FLRT1: variants seen among roughly 807,000 people sequenced by gnomAD.
FLRT1 encodes fibronectin leucine rich transmembrane protein 1, also known as leucine-rich repeat transmembrane protein FLRT1.
Under a neutral mutation model 30.9 loss-of-function variants are expected in FLRT1, and 14 were observed. That is an observed-to-expected ratio of 0.45 (90% confidence interval 0.30 to 0.71). FLRT1 has a LOEUF of 0.71. Ranked by LOEUF, FLRT1 falls within the 30% of genes least tolerant of loss-of-function variation. The pLI is 0.08. For missense variants in FLRT1, 737 were observed against 949.2 expected, an observed-to-expected ratio of 0.78 and a Z score of 2.94; for synonymous variants, 368 against 430.4, an observed-to-expected ratio of 0.85 and a Z score of 1.80.
chr11:64,117,792 A>G lies in FLRT1; in HGVS notation c.1525A>G (p.Thr509Ala), dbSNP rs748791536. ...PKSTYIICMV[T>A]METSNAYVAD... is the part of the protein sequence containing the mutation. Reference sequence around the variant, plus strand: ...GTCCACCTACATCATCTGCATGGTCACCATGGAGACCAGCAATGCCTACGT... The same window carrying G: ...GTCCACCTACATCATCTGCATGGTCGCCATGGAGACCAGCAATGCCTACGT... The change falls in exon 3 of 3, where the codon ACC (threonine) becomes GCC (alanine). Residue 509 changes from threonine to alanine, a missense_variant. By Grantham distance (58) the Thr-to-Ala change is moderately conservative. Transcript: ENST00000682287. 6.8e-6 allele frequency: 11 copies of G among 1,614,032 alleles called. No individual in the cohort carries two copies. The Middle Eastern group carries it at 6.6e-4, about 96-fold the overall frequency.
intron 2 of FLRT1, among the ~76,000 whole-genome samples, chr11:64,110,460 AAAAG>A (rs1465089487): frequency 3.3e-5 from 5 of 152,086 alleles, no homozygotes; most frequent in South Asian, 2.1e-4. Context: ...AAAAAAAAAA[AAAAG>A]AAAGAAATCA....
In FLRT1 at chr11:64,117,231, C is replaced by T. The variant is rs1424601174; in HGVS notation, c.964C>T (p.Gln322Ter). ...GTTCGACGACCTGGGGAACCTGGCC[C>T]AGCTGCTGCTCAGGAACAACCCTTG... The part of the protein sequence containing the change: ...GLFDDLGNLA[Q>*]LLLRNNPWFC... The change falls in exon 3 of 3, where the codon CAG becomes TAG. Residue 322 changes from glutamine to a stop codon, truncating the protein, a stop_gained. Coordinates refer to ENST00000682287, the MANE Select transcript of FLRT1 (RefSeq NM_013280.5). LOFTEE classifies it high-confidence loss of function. The T allele has an allele frequency of 6.2e-7, 1 of 1,614,076 alleles. No homozygotes were observed. The highest frequency in any genetic ancestry group is 8.5e-7 in the Non-Finnish European group (1 of 1,180,028).
At chr11:64,044,151 C>G (rs1943540786) in intron 1 of FLRT1, among the ~76,000 whole-genome samples, 1 of 152,086 alleles carries the variant, frequency 6.6e-6, no homozygotes, top group African/African-American at 2.4e-5. Flanking sequence ...GCTCGTAACC[C>G]CCTCAGCCTA....
chr11:64,090,096 G>A lies in FLRT1; in HGVS notation c.-1037-13098G>A, dbSNP rs914806069. 2.6e-5 allele frequency among the ~76,000 whole-genome samples: 4 copies of A among 152,190 alleles called. No individual in the cohort carries two copies. The highest frequency in any genetic ancestry group is 9.7e-5 in the African/African-American group (4 of 41,442). ...TCCTGAGCCCAGAACCTTCTAGAATGGGGCTGGGGGAGGGGAAGATATGCA... is the reference window on the plus strand; with the variant it reads ...TCCTGAGCCCAGAACCTTCTAGAATAGGGCTGGGGGAGGGGAAGATATGCA... On this transcript the variant is annotated intron_variant, in intron 1 of 2. Transcript: ENST00000682287. This position sits in a 1 kb window ranked among gnomAD's most constrained non-coding sequence, Gnocchi z 4.7.
chr11:64,088,697 G>A (rs898123320), intron 1 of FLRT1, among the ~76,000 whole-genome samples: 1 of 152,188 alleles, frequency 6.6e-6, no homozygotes, highest in Non-Finnish European at 1.5e-5. Flanking sequence ...GGTCTCGGCT[G>A]CCCTGTCTAT....
rs992169393 is a variant in FLRT1 at position 64,064,524 on chromosome 11, G to A, written c.-1038+28365G>A. ...GCACGCAGGCAGGGTGCATATGTAC[G>A]TATGTGCCTGGCATGGTCCTTGCCT... On this transcript the variant is annotated intron_variant, in intron 1 of 2. Transcript: ENST00000682287. The surrounding 1 kb of genome is among the most constrained non-coding windows in gnomAD (Gnocchi z 4.5). Among the ~76,000 whole-genome samples the A allele has an allele frequency of 7.9e-5, 12 of 152,084 alleles. No individual in the cohort carries two copies. Among genetic ancestry groups the A allele is most frequent in the Admixed American group, 6.5e-4 (10 of 15,284 alleles).
intron 1 of FLRT1, among the ~76,000 whole-genome samples, chr11:64,088,704 C>G (rs1423335883): frequency 1.3e-5 from 2 of 152,152 alleles, no homozygotes. Flanking sequence ...GCTGCCCTGT[C>G]TATGAAATGG....
chr11:64,074,410 G>A (rs899271894), intron 1 of FLRT1, among the ~76,000 whole-genome samples: 3 of 152,216 alleles, frequency 2.0e-5, no homozygotes, highest in Non-Finnish European at 4.4e-5. Flanking sequence ...CTGAGCTCCA[G>A]GGGTGTGGTC....
intron 1 of FLRT1, among the ~76,000 whole-genome samples, chr11:64,094,458 A>G (rs1396602906): frequency 6.6e-6 from 1 of 152,002 alleles, no homozygotes; most frequent in Non-Finnish European, 1.5e-5. Flanking sequence ...CCAAAAAACA[A>G]AGTTAAGCAG....
intron 2 of FLRT1, among the ~76,000 whole-genome samples, chr11:64,108,111 A>G (rs1162188996): frequency 6.6e-6 from 1 of 152,046 alleles, no homozygotes; most frequent in Non-Finnish European, 1.5e-5. Context: ...GTCAGGAGTT[A>G]GTGACCAGCC....
At chr11:64,070,622 A>G (rs762978272) in intron 1 of FLRT1, among the ~76,000 whole-genome samples, 1 of 152,188 alleles carries the variant, frequency 6.6e-6, no homozygotes, top group Non-Finnish European at 1.5e-5. Context: ...AGGAGGAGAA[A>G]GCACCATAAC....
chr11:64,043,905 A>G (rs1382583937), intron 1 of FLRT1, among the ~76,000 whole-genome samples: 1 of 151,514 alleles, frequency 6.6e-6, no homozygotes, highest in Non-Finnish European at 1.5e-5. Flanking sequence ...TCTGTCTGCA[A>G]CAGGTTCAAG....
intron 1 of FLRT1, among the ~76,000 whole-genome samples, chr11:64,071,862 G>A (rs1944113569): frequency 6.6e-6 from 1 of 152,164 alleles, no homozygotes; most frequent in African/African-American, 2.4e-5. Flanking sequence ...GTGGGCCGTG[G>A]GCAGTAGTGG....
chr11:64,074,294 C>T (rs1944162199), intron 1 of FLRT1, among the ~76,000 whole-genome samples: 2 of 152,194 alleles, frequency 1.3e-5, no homozygotes, highest in Non-Finnish European at 2.9e-5. Flanking sequence ...GTTTCCCCAC[C>T]TTTCCTAGCT....
At chr11:64,058,860 A>C (rs1943843486) in intron 1 of FLRT1, among the ~76,000 whole-genome samples, 1 of 152,046 alleles carries the variant, frequency 6.6e-6, no homozygotes, top group Non-Finnish European at 1.5e-5. Context: ...AGGACCAGTG[A>C]TAGGGGAGCT....
intron 2 of FLRT1, among the ~76,000 whole-genome samples, chr11:64,105,611 G>C (rs4980504): frequency 2.0e-5 from 3 of 151,956 alleles, no homozygotes; most frequent in African/African-American, 7.2e-5. Flanking sequence ...GCTAAGAGGC[G>C]TGACCCCACA....
intron 1 of FLRT1, among the ~76,000 whole-genome samples, chr11:64,080,517 T>C (rs920700478): frequency 1.3e-4 from 20 of 152,150 alleles, no homozygotes; most frequent in Admixed American, 1.1e-3. Flanking sequence ...ATTTGTAAAG[T>C]AGGGACAAAA....
chr11:64,043,030 C>T (rs548182762), intron 1 of FLRT1, among the ~76,000 whole-genome samples: 4 of 152,278 alleles, frequency 2.6e-5, no homozygotes, highest in South Asian at 2.1e-4. Context: ...GCTCTGGAGT[C>T]GATGAACTTG....
chr11:64,047,897 C>CA (rs35010371), intron 1 of FLRT1, among the ~76,000 whole-genome samples: 19,080 of 88,878 alleles, frequency 0.21, 1,705 homozygotes, highest in Non-Finnish European at 0.28. Context: ...AACTCCGTCT[C>CA]AAAAAAAAAA....
Sources: allele counts gnomAD v4.1 joint callset (sites outside exome capture counted in the v4.1 genomes callset), GRCh38; gene constraint gnomAD v4.1.1; non-coding constraint Gnocchi (gnomAD v3.1); transcripts MANE v1.5; gene names NCBI Gene and HGNC (gene_info 2026-07-23, HGNC 2026-07-21).